Variants in PPP1R3A observed in about 807,000 individuals in gnomAD.
The protein encoded by PPP1R3A is protein phosphatase 1 regulatory subunit 3A.
PPP1R3A carries 29 observed loss-of-function variants against 41.7 expected under a neutral mutation model. The ratio of observed to expected loss-of-function variants is 0.70; its 90% CI spans 0.52 to 0.95. The LOEUF (loss-of-function observed/expected upper bound fraction) is 0.95. Ranked by LOEUF, PPP1R3A falls within the 40% of genes least tolerant of loss-of-function variation. PPP1R3A has a pLI of 0.00. For missense variants in PPP1R3A, 1,352 were observed against 1,292.4 expected (o/e 1.05, Z -0.71); for synonymous variants, 485 against 453.4 (o/e 1.07, Z -0.89).
Position 113,878,105 on chromosome 7 carries a change from A to C in PPP1R3A, c.2987T>G (p.Ile996Ser), listed in dbSNP as rs546296340. The change falls in exon 4 of 4, where the codon ATT (isoleucine) becomes AGT (serine). Residue 996 changes from isoleucine to serine, a missense_variant. Transcript: ENST00000284601. Reference sequence around the variant, plus strand: ...CACACTATACTCTTCTGTTTGGAAAATCTGGCCTATGCATCTTTCTTTTCT... The same window carrying C: ...CACACTATACTCTTCTGTTTGGAAACTCTGGCCTATGCATCTTTCTTTTCT... ...GSRKERCIGQIFQTEEYSVEK... is the reference protein window; with the variant it reads ...GSRKERCIGQSFQTEEYSVEK... 6.2e-7 allele frequency: 1 copy of C among 1,613,412 alleles called. No homozygotes were observed. The highest frequency in any genetic ancestry group is 1.3e-5 in the African/African-American group (1 of 74,982).
At chr7:113,881,347 T>C (rs1375013187) in intron 3 of PPP1R3A, among the ~76,000 whole-genome samples, 3 of 152,018 alleles carry the variant, frequency 2.0e-5, no homozygotes, top group Non-Finnish European at 4.4e-5. Context: ...TCCATCCAAA[T>C]ACAGTAAAGG....
chr7:113,887,794 G>C (rs374694960), intron 1 of PPP1R3A, among the ~76,000 whole-genome samples: 1 of 152,132 alleles, frequency 6.6e-6, no homozygotes, highest in Admixed American at 6.5e-5. Context: ...ACTTTGGGAG[G>C]CCGAGGAGGG....
chr7:113,912,857 C>T (rs1239308205), intron 1 of PPP1R3A, among the ~76,000 whole-genome samples: 1 of 152,012 alleles, frequency 6.6e-6, no homozygotes, highest in Non-Finnish European at 1.5e-5. Context: ...TTCATAGTGA[C>T]TCCTTTCAGC....
At chr7:113,895,874 C>G (rs762039691) in intron 1 of PPP1R3A, among the ~76,000 whole-genome samples, 3 of 151,880 alleles carry the variant, frequency 2.0e-5, no homozygotes, top group Non-Finnish European at 4.4e-5. Context: ...GATGAACTTA[C>G]GTCACACATT....
At chr7:113,917,825 C>T (rs959698271) in intron 1 of PPP1R3A, among the ~76,000 whole-genome samples, 1 of 151,882 alleles carries the variant, frequency 6.6e-6, no homozygotes, top group Non-Finnish European at 1.5e-5. Flanking sequence ...TTATGTTAAT[C>T]AAAACTGTTT....
intron 1 of PPP1R3A, among the ~76,000 whole-genome samples, chr7:113,916,260 C>G (rs1330081750): frequency 6.6e-6 from 1 of 151,970 alleles, no homozygotes; most frequent in Non-Finnish European, 1.5e-5. Flanking sequence ...GCCTTCAGAC[C>G]ATTTTGTGGT....
rs1161244749 is a variant in PPP1R3A, at chr7:113,918,365, T to C, written c.632A>G (p.Tyr211Cys). The stretch of plus-strand genomic sequence containing the variant: ...CCAAAATGTACCAACAGAAGTTTCA[T>C]AACGTATACAAAACTCAACTTTACT... The part of the protein sequence containing the change: ...DGSKVEFCIR[Y>C]ETSVGTFWSN... The change falls in exon 1 of 4, where the codon TAT becomes TGT. Residue 211 changes from tyrosine to cysteine, a missense_variant. Transcript: ENST00000284601. 19 of 1,613,346 alleles carry C rather than the reference T, an allele frequency of 1.2e-5. No homozygotes were observed. Among genetic ancestry groups the C allele is most frequent in the Non-Finnish European group, 1.6e-5 (19 of 1,179,632 alleles).
intron 1 of PPP1R3A, among the ~76,000 whole-genome samples, chr7:113,892,631 G>A (rs778772268): frequency 7.9e-5 from 12 of 152,032 alleles, no homozygotes; most frequent in Non-Finnish European, 1.3e-4. Flanking sequence ...AGGGATCAGT[G>A]TCTAATTGTG....
intron 1 of PPP1R3A, among the ~76,000 whole-genome samples, chr7:113,897,627 C>G (rs1216353031): frequency 6.6e-6 from 1 of 151,250 alleles, no homozygotes; most frequent in Non-Finnish European, 1.5e-5. Context: ...GTAGAGACAC[C>G]ATCTTATATT....
chr7:113,912,505 T>C (rs950159285), intron 1 of PPP1R3A, among the ~76,000 whole-genome samples: 9 of 152,076 alleles, frequency 5.9e-5, no homozygotes, highest in African/African-American at 1.9e-4. Context: ...AGAGGATTTT[T>C]TAAGTTTGAT....
Position 113,877,949 on chromosome 7 carries a change from C to T in PPP1R3A, c.3143G>A (p.Ser1048Asn), listed in dbSNP as rs1648653004. The change falls in exon 4 of 4, where the codon AGC becomes AAC. Residue 1048 changes from serine (S) to asparagine (N), a missense_variant. Physicochemically the swap from Ser to Asn is conservative, Grantham distance 46. Transcript: ENST00000284601. ...AACAGGAAGACTAGTAGAAGCAGAG[C>T]TGTCAGATTCCTTTTCACCTGAAGT... ...LYTSGEKESDSSASTSLPVEE... is the reference protein window; with the variant it reads ...LYTSGEKESDNSASTSLPVEE... The T allele has an allele frequency of 6.2e-7, 1 of 1,613,292 alleles. No individual in the cohort carries two copies. The highest frequency in any genetic ancestry group is 8.5e-7 in the Non-Finnish European group (1 of 1,179,636).
chr7:113,896,354 TTTTATTTA>T (rs200010250), intron 1 of PPP1R3A, among the ~76,000 whole-genome samples: 6 of 151,716 alleles, frequency 4.0e-5, no homozygotes, highest in African/African-American at 1.5e-4. Flanking sequence ...AGCTCATGGG[TTTTATTTA>T]TTTATTTATT....
chr7:113,900,527 A>G (rs936167580), intron 1 of PPP1R3A, among the ~76,000 whole-genome samples: 3 of 151,006 alleles, frequency 2.0e-5, no homozygotes, highest in African/African-American at 7.3e-5. Flanking sequence ...AGAATCATCA[A>G]TTTCCAATGG....
chr7:113,908,881 A>C (rs1045506790), intron 1 of PPP1R3A, among the ~76,000 whole-genome samples: 1 of 151,998 alleles, frequency 6.6e-6, no homozygotes, highest in Non-Finnish European at 1.5e-5. Context: ...AAGTGAATTA[A>C]CATAGAAACA....
At chr7:113,914,617 T>C (rs777672970) in intron 1 of PPP1R3A, among the ~76,000 whole-genome samples, 1 of 152,114 alleles carries the variant, frequency 6.6e-6, no homozygotes, top group Non-Finnish European at 1.5e-5. Flanking sequence ...GCTTGAGCCT[T>C]GCAGTTTTTC....
rs550351706 is a variant in PPP1R3A at position 113,910,025 on chromosome 7, G to A, written c.782+8190C>T. Among the ~76,000 whole-genome samples the A allele has an allele frequency of 1.7e-3, 262 of 152,146 alleles. 1 individual carries two copies. Among genetic ancestry groups the A allele is most frequent in the African/African-American group, 6.1e-3 (253 of 41,544 alleles). On this transcript the variant is annotated intron_variant, in intron 1 of 3. Coordinates refer to ENST00000284601, the MANE Select transcript of PPP1R3A (RefSeq NM_002711.4). ...GGGAGGCCTCACAATCATGACGGAAGACAAAGAAGCGAAGGCACATCTTAC... is the reference window on the plus strand; with the variant it reads ...GGGAGGCCTCACAATCATGACGGAAAACAAAGAAGCGAAGGCACATCTTAC...
chr7:113,907,834 G>A (rs185524248), intron 1 of PPP1R3A, among the ~76,000 whole-genome samples: 9 of 151,860 alleles, frequency 5.9e-5, no homozygotes, highest in South Asian at 4.1e-4. Context: ...TATAGAGGGC[G>A]TTGTGGCAAA....
chr7:113,880,094 G>A lies in PPP1R3A; in HGVS notation c.998C>T (p.Thr333Ile). ...TGTATTCCTTTCATCTCTGGAAGCA[G>A]TACTTCTGGTTCTTATTAAGTGTTG... ...INQHLIRTRS[T>I]ASRDERNTFS... Residue 333 changes from threonine to isoleucine, a missense_variant, in exon 4 of 4, where the codon ACT (threonine) becomes ATT (isoleucine). Physicochemically the swap from Thr to Ile is moderately conservative, Grantham distance 89. Transcript: ENST00000284601. 1.2e-6 allele frequency: 2 copies of A among 1,603,774 alleles called. No individual in the cohort carries two copies. The highest frequency in any genetic ancestry group is 1.7e-6 in the Non-Finnish European group (2 of 1,171,180).
rs564796681 is a variant in PPP1R3A, at chr7:113,879,515, A to G, written c.1577T>C (p.Val526Ala). ...GAAATTTTTTCTTTGTTTTTCATTA[A>G]CACCTAAATATATTCTTTGTTCTTC... ...DDEEQRIYLG[V>A]NEKQRKNFQT... is the part of the protein sequence containing the mutation. The change falls in exon 4 of 4, where the codon GTT becomes GCT. Residue 526 changes from valine to alanine, a missense_variant. Physicochemically the swap from Val to Ala is moderately conservative, Grantham distance 64 (BLOSUM62 0). Transcript: ENST00000284601. 1 of 1,613,032 alleles carries G rather than the reference A, an allele frequency of 6.2e-7. No homozygotes were observed. Among genetic ancestry groups the G allele is most frequent in the South Asian group, 1.1e-5 (1 of 91,064 alleles).
Sources: allele counts gnomAD v4.1 joint callset (sites outside exome capture counted in the v4.1 genomes callset), GRCh38; gene constraint gnomAD v4.1.1; transcripts MANE v1.5; gene names NCBI Gene and HGNC (gene_info 2026-07-23, HGNC 2026-07-21).